The following KANSL1L variants were observed in gnomAD, a reference collection of about 807,000 sequenced individuals.
KANSL1L encodes KAT8 regulatory NSL complex subunit 1-like protein.
In KANSL1L, 25 loss-of-function variants were observed where a neutral mutation model predicts 108.6. The ratio of observed to expected loss-of-function variants is 0.23; its 90% confidence interval spans 0.17 to 0.32. The LOEUF is 0.32. Among genes scored for constraint, KANSL1L ranks in the 10% least tolerant of loss-of-function variants. The probability of loss-of-function intolerance (pLI) is 1.00; values close to 1 mark genes in which losing one functional copy is unlikely to be tolerated. For synonymous variants in KANSL1L, 405 were observed against 395.1 expected, an observed-to-expected ratio of 1.03 and a Z score of -0.30; for missense variants, 1,137 against 1,125.7, an observed-to-expected ratio of 1.01 and a Z score of -0.14.
intron 5 of KANSL1L, chr2:210,079,698 GTGTA>G (rs2094574055): frequency 2.3e-4 from 5 of 22,190 alleles, no homozygotes; most frequent in African/African-American, 4.9e-4. Context: ...ATATGTATGT[GTGTA>G]TATATATATA....
intron 3 of KANSL1L, among the ~76,000 whole-genome samples, chr2:210,123,633 A>G (rs1001409639): frequency 6.6e-6 from 1 of 152,156 alleles, no homozygotes; most frequent in African/African-American, 2.4e-5. Context: ...ACTACAGTCA[A>G]CAATAACTTA....
At chr2:210,149,242 A>T (rs2095285802) in intron 2 of KANSL1L, among the ~76,000 whole-genome samples, 1 of 152,144 alleles carries the variant, frequency 6.6e-6, no homozygotes, top group South Asian at 2.1e-4. Context: ...ACAAACACAG[A>T]AATAGTCATT....
At chr2:210,048,222 T>C (rs2125214366) in intron 6 of KANSL1L, among the ~76,000 whole-genome samples, 1 of 152,352 alleles carries the variant, frequency 6.6e-6, no homozygotes, top group East Asian at 1.9e-4. Flanking sequence ...TACTGGCATT[T>C]GCATCCAATT....
chr2:210,080,145 G>GCGTGCA (rs2094578227), intron 5 of KANSL1L: 1 of 146,134 alleles, frequency 6.8e-6, no homozygotes, highest in East Asian at 2.0e-4. Context: ...ACACACGCGT[G>GCGTGCA]CACACACACA....
At chr2:210,167,819 T>C (rs1205107545) in intron 1 of KANSL1L, among the ~76,000 whole-genome samples, 2 of 152,016 alleles carry the variant, frequency 1.3e-5, no homozygotes, top group Non-Finnish European at 2.9e-5. Flanking sequence ...AAAATTTCCA[T>C]TATGAATAGT....
chr2:210,035,476 TTTG>T (rs1401071916), intron 8 of KANSL1L, among the ~76,000 whole-genome samples: 7 of 152,100 alleles, frequency 4.6e-5, no homozygotes, highest in African/African-American at 1.4e-4. Flanking sequence ...TTTGTAGATA[TTTG>T]TTGTTGTTTG....
rs1289638193 is a variant in KANSL1L, at chr2:210,104,239, A to C, written c.1293T>G (p.Phe431Leu). ...TGTTTAGTGAAGCTGCTTGGTCTGC[A>C]AATTGCATTTGTTTTTTCAAAATAT... ...PKDILKKQMQ[F>L]ADQAASLNIL... Residue 431 changes from phenylalanine to leucine, a missense_variant, in exon 4 of 15, where the codon TTT becomes TTG. Coordinates refer to ENST00000281772, the MANE Select transcript of KANSL1L (RefSeq NM_152519.4). 2 of 1,613,812 alleles carry C rather than the reference A, an allele frequency of 1.2e-6. No homozygotes were observed. The highest frequency in any genetic ancestry group is 1.7e-6 in the Non-Finnish European group (2 of 1,179,924).
At chr2:210,047,851 A>G (rs932016437) in intron 6 of KANSL1L, among the ~76,000 whole-genome samples, 3 of 152,200 alleles carry the variant, frequency 2.0e-5, no homozygotes, top group Non-Finnish European at 4.4e-5. Flanking sequence ...CCCCACTACT[A>G]GCTAGATAAA....
rs2094202087 is a variant in KANSL1L at position 210,044,498 on chromosome 2, A to G, written c.1756-394T>C. On this transcript the variant is annotated intron_variant, in intron 6 of 14. Coordinates refer to ENST00000281772, the MANE Select transcript of KANSL1L (RefSeq NM_152519.4). This position sits in a 1 kb window ranked among gnomAD's most constrained non-coding sequence, Gnocchi z 4.2. ...TTCACCAATTCAATAATGAATAAAA[A>G]TGATCAAAGGAGACATATGTGTTTT... 6.6e-6 allele frequency among the ~76,000 whole-genome samples: 1 copy of G among 152,004 alleles called. No homozygotes were observed. The highest frequency in any genetic ancestry group is 1.5e-5 in the Non-Finnish European group (1 of 68,014).
At chr2:210,072,530 G>T (rs188950274) in intron 6 of KANSL1L, among the ~76,000 whole-genome samples, 3 of 152,218 alleles carry the variant, frequency 2.0e-5, no homozygotes, top group African/African-American at 7.2e-5. Context: ...GAGATTGGGG[G>T]TGTAGGAGAT....
intron 3 of KANSL1L, among the ~76,000 whole-genome samples, chr2:210,105,390 T>G (rs1442401109): frequency 6.8e-6 from 1 of 147,778 alleles, no homozygotes; most frequent in African/African-American, 2.5e-5. Flanking sequence ...TATATATATA[T>G]TTGAAACATG....
At chr2:210,115,016 G>A (rs1303767163) in intron 3 of KANSL1L, among the ~76,000 whole-genome samples, 1 of 151,926 alleles carries the variant, frequency 6.6e-6, no homozygotes, top group African/African-American at 2.4e-5. Context: ...ACAGAAGACA[G>A]TAGTGCAGGA....
chr2:210,118,201 G>T (rs1411987713), intron 3 of KANSL1L, among the ~76,000 whole-genome samples: 5 of 149,258 alleles, frequency 3.3e-5, no homozygotes, highest in African/African-American at 1.2e-4. Flanking sequence ...GGGTGCGGTG[G>T]CTTATGCCTG....
intron 6 of KANSL1L, among the ~76,000 whole-genome samples, chr2:210,064,911 T>C (rs1343483019): frequency 1.3e-5 from 2 of 149,674 alleles, no homozygotes; most frequent in Admixed American, 6.7e-5. Context: ...TACGAACTCA[T>C]AGAGCTAGCT....
chr2:210,083,407 T>G (rs1396200817), intron 5 of KANSL1L, among the ~76,000 whole-genome samples: 1 of 152,172 alleles, frequency 6.6e-6, no homozygotes, highest in African/African-American at 2.4e-5. Context: ...CCTTTTCCAG[T>G]TGGAAGTCCT....
At chr2:210,079,254 G>A (rs2094563737) in intron 5 of KANSL1L, among the ~76,000 whole-genome samples, 1 of 152,200 alleles carries the variant, frequency 6.6e-6, no homozygotes. Context: ...CCTAGAAACT[G>A]AGGATGCAAC....
intron 6 of KANSL1L, among the ~76,000 whole-genome samples, chr2:210,063,430 T>C (rs1346046960): frequency 6.6e-6 from 1 of 152,200 alleles, no homozygotes; most frequent in Admixed American, 6.5e-5. Flanking sequence ...TCCTTCAGAC[T>C]CTAGAATGGT....
chr2:210,074,960 T>C (rs969403081), intron 6 of KANSL1L, among the ~76,000 whole-genome samples: 1 of 152,216 alleles, frequency 6.6e-6, no homozygotes, highest in Non-Finnish European at 1.5e-5. Flanking sequence ...AAAGGAAGTA[T>C]ACCCATTATT....
Position 210,079,650 on chromosome 2 carries a change from A to ATATATATGTATGTG in KANSL1L, c.1551-3895_1551-3894insCACATACATATATA, listed in dbSNP as rs1553653251. On this transcript the variant is annotated intron_variant, in intron 5 of 14. Coordinates refer to ENST00000281772, the MANE Select transcript of KANSL1L (RefSeq NM_152519.4). The stretch of plus-strand genomic sequence containing the variant: ...TATATATATATATATATATATATAT[A>ATATATATGTATGTG]TATATATATATATATGTATGTGTGT... Among the ~76,000 whole-genome samples, 71 of 19,510 alleles carry ATATATATGTATGTG rather than the reference A, an allele frequency of 3.6e-3. 4 individuals are homozygous for ATATATATGTATGTG. Among genetic ancestry groups the ATATATATGTATGTG allele is most frequent in the South Asian group, 5.6e-3 (2 of 360 alleles). 12.8% of individuals were successfully genotyped at this position (19,510 alleles called of 152,430 possible).
Sources: allele counts gnomAD v4.1 joint callset (sites outside exome capture counted in the v4.1 genomes callset), GRCh38; gene constraint gnomAD v4.1.1; non-coding constraint Gnocchi (gnomAD v3.1); transcripts MANE v1.5; gene names NCBI Gene and HGNC (gene_info 2026-07-23, HGNC 2026-07-21).